Variants in CMBL observed in about 807,000 individuals in gnomAD.
CMBL encodes the protein carboxymethylenebutenolidase homolog.
In CMBL, 17 loss-of-function variants were observed where a neutral mutation model predicts 28.7. That is an observed-to-expected ratio of 0.59 (90% confidence interval 0.41 to 0.89). CMBL has a LOEUF of 0.89. Ranked by LOEUF, CMBL falls within the 40% of genes least tolerant of loss-of-function variation. The pLI, the probability that CMBL is intolerant of heterozygous loss-of-function variation, is 0.00. For synonymous variants in CMBL, 106 were observed against 101.6 expected (o/e 1.04, Z -0.26); for missense variants, 310 against 298.5 (o/e 1.04, Z -0.28).
At chr5:10,291,319 T>C (rs1006593253) in intron 1 of CMBL, among the ~76,000 whole-genome samples, 1 of 152,084 alleles carries the variant, frequency 6.6e-6, no homozygotes, top group Non-Finnish European at 1.5e-5. Flanking sequence ...GGCTCAGGTG[T>C]GTGCGAAGAA....
intron 2 of CMBL, 32 bp downstream of exon 2, chr5:10,290,516 A>C: frequency 6.4e-7 from 1 of 1,573,572 alleles, no homozygotes; most frequent in Admixed American, 1.7e-5. Flanking sequence ...ATTTGTATGA[A>C]TTTAAACAAA....
rs554613817 is a variant in CMBL at position 10,298,063 on chromosome 5, C to T, written c.-19-7282G>A. Among the ~76,000 whole-genome samples the T allele has an allele frequency of 4.0e-5, 6 of 149,180 alleles. No homozygotes were observed. The South Asian group carries it at 6.4e-4, about 16-fold the overall frequency. On this transcript the variant is annotated intron_variant, in intron 1 of 5. Coordinates refer to ENST00000296658, the MANE Select transcript of CMBL (RefSeq NM_138809.4). ...GCAGTGGGAACAGGCGAAGAGCAGG[C>T]GCAGAGCAGGCAGAGAGAGGGGGTC...
intron 5 of CMBL, 134 bp from the exon 6 acceptor site, chr5:10,280,766 T>C: frequency 1.3e-6 from 1 of 785,606 alleles, no homozygotes; most frequent in Non-Finnish European, 1.9e-6. Context: ...TTACACTGAA[T>C]TCTTTCCCAC....
intron 1 of CMBL, among the ~76,000 whole-genome samples, chr5:10,293,541 A>G (rs1052089475): frequency 2.6e-5 from 4 of 152,224 alleles, no homozygotes; most frequent in African/African-American, 9.7e-5. Flanking sequence ...GGATTTCAAC[A>G]TATGTTAAAA....
intron 1 of CMBL, among the ~76,000 whole-genome samples, chr5:10,302,617 A>T (rs555476206): frequency 6.6e-6 from 1 of 151,958 alleles, no homozygotes; most frequent in East Asian, 1.9e-4. Context: ...AAAAAAAGAC[A>T]GGAAGGAGGA....
intron 2 of CMBL, 164 bp downstream of exon 2, chr5:10,290,384 C>A: frequency 1.6e-6 from 1 of 644,160 alleles, no homozygotes; most frequent in Non-Finnish European, 2.7e-6. Flanking sequence ...GTTTAATTTC[C>A]CAAGACATTT....
chr5:10,289,262 C>T lies in CMBL; in HGVS notation c.216-733G>A, dbSNP rs1446891866. On this transcript the variant is annotated intron_variant, in intron 2 of 5. Transcript: ENST00000296658. The surrounding 1 kb of genome is among the most constrained non-coding windows in gnomAD (Gnocchi z 4.3). ...GGTACACCCCATGCTGCTGTGTGGC[C>T]TTGGCCTTCACAAGTCATGTCACCG... 6.6e-6 allele frequency among the ~76,000 whole-genome samples: 1 copy of T among 152,176 alleles called. No individual in the cohort carries two copies. The highest frequency in any genetic ancestry group is 1.9e-4 in the East Asian group (1 of 5,196).
At chr5:10,284,449 C>T (rs981769720) in intron 4 of CMBL, among the ~76,000 whole-genome samples, 2 of 152,212 alleles carry the variant, frequency 1.3e-5, no homozygotes, top group African/African-American at 4.8e-5. Flanking sequence ...CCAGGCCTAA[C>T]GATGGTTCCA....
At chr5:10,283,983 GCA>G (rs1746550525) in intron 4 of CMBL, among the ~76,000 whole-genome samples, 3 of 152,226 alleles carry the variant, frequency 2.0e-5, no homozygotes, top group Non-Finnish European at 4.4e-5. Flanking sequence ...CCTGCTGGCA[GCA>G]GAAGAGCTAA....
intron 1 of CMBL, among the ~76,000 whole-genome samples, chr5:10,291,650 G>A (rs1032428294): frequency 2.0e-5 from 3 of 148,610 alleles, no homozygotes; most frequent in African/African-American, 7.7e-5. Flanking sequence ...GACAGAGCGA[G>A]ACGCCGTCTC....
chr5:10,295,187 G>T (rs918971635), intron 1 of CMBL, among the ~76,000 whole-genome samples: 5 of 151,864 alleles, frequency 3.3e-5, no homozygotes, highest in Admixed American at 1.3e-4. Context: ...GGGTTCAAGC[G>T]ATTCTCCTGC....
intron 4 of CMBL, among the ~76,000 whole-genome samples, chr5:10,284,138 G>A (rs1341749855): frequency 6.6e-6 from 1 of 152,164 alleles, no homozygotes; most frequent in Non-Finnish European, 1.5e-5. Flanking sequence ...CCTGAGCCCG[G>A]CCACGCTCTG....
Position 10,279,108 on chromosome 5 carries a change from G to A in CMBL, c.*1345C>T, listed in dbSNP as rs960750969. Among the ~76,000 whole-genome samples, 1 of 152,144 alleles carries A rather than the reference G, an allele frequency of 6.6e-6. No homozygotes were observed. The highest frequency in any genetic ancestry group is 2.4e-5 in the African/African-American group (1 of 41,422). On this transcript the variant is annotated 3_prime_UTR_variant, in exon 6 of 6. Transcript: ENST00000296658. ...GGTGCAGGTGCAGAGTTTCTCACCG[G>A]CTCTCCCCTTTACGCCACCACCAGA...
chr5:10,293,041 T>A (rs1031806110), intron 1 of CMBL, among the ~76,000 whole-genome samples: 16 of 152,176 alleles, frequency 1.1e-4, no homozygotes, highest in Admixed American at 7.2e-4. Flanking sequence ...ATAATAAAAC[T>A]CAAAAGATTT....
At chr5:10,283,946 C>A (rs1455905498) in intron 4 of CMBL, among the ~76,000 whole-genome samples, 1 of 152,164 alleles carries the variant, frequency 6.6e-6, no homozygotes, top group Non-Finnish European at 1.5e-5. Context: ...GATAAGAAGA[C>A]GTAAATAACA....
intron 3 of CMBL, among the ~76,000 whole-genome samples, chr5:10,287,651 G>A (rs1746628389): frequency 6.6e-6 from 1 of 152,142 alleles, no homozygotes; most frequent in Non-Finnish European, 1.5e-5. Flanking sequence ...CCCGCTGGGT[G>A]CAGTGGCTCA....
At chr5:10,305,499 T>C (rs558650960) in intron 1 of CMBL, among the ~76,000 whole-genome samples, 1 of 149,080 alleles carries the variant, frequency 6.7e-6, no homozygotes, top group East Asian at 2.2e-4. Context: ...TCACTCTGCC[T>C]AACACAAGCA....
intron 1 of CMBL, among the ~76,000 whole-genome samples, chr5:10,296,317 G>C (rs920505782): frequency 1.3e-5 from 2 of 152,142 alleles, no homozygotes; most frequent in African/African-American, 4.8e-5. Flanking sequence ...GTCTCACTCT[G>C]TCCCCTAGGC....
intron 1 of CMBL, among the ~76,000 whole-genome samples, chr5:10,291,223 G>C (rs1395760850): frequency 6.6e-6 from 1 of 152,152 alleles, no homozygotes; most frequent in African/African-American, 2.4e-5. Context: ...GAATTTGTAA[G>C]AGACCCACGC....
Sources: allele counts gnomAD v4.1 joint callset (sites outside exome capture counted in the v4.1 genomes callset), GRCh38; gene constraint gnomAD v4.1.1; non-coding constraint Gnocchi (gnomAD v3.1); transcripts MANE v1.5; gene names NCBI Gene and HGNC (gene_info 2026-07-23, HGNC 2026-07-21).